Variants in AKAP6 observed in about 807,000 individuals in gnomAD.
AKAP6 encodes the protein A-kinase anchoring protein 6.
AKAP6 carries 58 observed loss-of-function variants against 188.5 expected under a neutral mutation model. The ratio of observed to expected loss-of-function variants is 0.31; its 90% CI spans 0.25 to 0.38. AKAP6 has a LOEUF of 0.38. Among genes scored for constraint, AKAP6 ranks in the 10% least tolerant of loss-of-function variants. AKAP6 has a pLI of 1.00. For missense variants in AKAP6, 2,710 were observed against 2,740.0 expected (o/e 0.99, Z 0.24); for synonymous variants, 989 against 998.6 (o/e 0.99, Z 0.18).
chr14:32,696,140 G>T, intron 9 of AKAP6, 30 bp downstream of exon 9: 1 of 1,574,994 alleles, frequency 6.3e-7, no homozygotes, highest in Non-Finnish European at 8.6e-7. Flanking sequence ...CCTTTACCTT[G>T]CTGTGGAAGA....
chr14:32,827,227 G>A (rs369169441), intron 13 of AKAP6, among the ~76,000 whole-genome samples: 8 of 152,040 alleles, frequency 5.3e-5, no homozygotes, highest in African/African-American at 1.9e-4. Context: ...TGTTGTCATT[G>A]TTCTTACTAC....
chr14:32,801,206 C>G (rs553354166), intron 12 of AKAP6, among the ~76,000 whole-genome samples: 1 of 151,888 alleles, frequency 6.6e-6, no homozygotes, highest in African/African-American at 2.4e-5. Context: ...TGCATTTGTT[C>G]TTTCTTTTTT....
chr14:32,818,426 TCTTTA>T (rs1175258239), intron 12 of AKAP6, among the ~76,000 whole-genome samples: 7 of 152,218 alleles, frequency 4.6e-5, no homozygotes, highest in African/African-American at 1.7e-4. Context: ...TCATCCTCTC[TCTTTA>T]CTTTAAATCA....
At chr14:32,640,106 T>C (rs908559278) in intron 7 of AKAP6, among the ~76,000 whole-genome samples, 2 of 140,460 alleles carry the variant, frequency 1.4e-5, no homozygotes, top group Non-Finnish European at 3.2e-5. Flanking sequence ...AATAATATTC[T>C]TCATTTTTTT....
chr14:32,483,370 T>A (rs1391751568), intron 2 of AKAP6, among the ~76,000 whole-genome samples: 3 of 152,212 alleles, frequency 2.0e-5, no homozygotes, highest in Non-Finnish European at 4.4e-5. Flanking sequence ...GGTTTGCTGT[T>A]TATCTTTTAA....
chr14:32,750,558 C>CA (rs1172151723), intron 11 of AKAP6, among the ~76,000 whole-genome samples: 1,499 of 138,838 alleles, frequency 0.011, 8 homozygotes, highest in Middle Eastern at 0.026. Flanking sequence ...CCCATCTCTA[C>CA]AAAAAAAAAA....
intron 4 of AKAP6, among the ~76,000 whole-genome samples, chr14:32,560,584 A>T (rs1254529201): frequency 6.6e-6 from 1 of 152,248 alleles, no homozygotes; most frequent in Admixed American, 6.5e-5. Flanking sequence ...TTTTCTTCGT[A>T]TGGAAAGGTT....
intron 2 of AKAP6, among the ~76,000 whole-genome samples, chr14:32,483,001 A>G (rs1457257023): frequency 1.5e-3 from 106 of 68,886 alleles, no homozygotes; most frequent in African/African-American, 3.7e-3. Context: ...ATATATATAT[A>G]TATATATATA....
Position 32,355,620 on chromosome 14 carries a change from T to C in AKAP6, c.-35+26212T>C, listed in dbSNP as rs572663212. Among the ~76,000 whole-genome samples, 3 of 152,346 alleles carry C rather than the reference T, an allele frequency of 2.0e-5. No individual in the cohort carries two copies. In the South Asian group the frequency reaches 6.2e-4, roughly 32 times the overall value. ...TATTTGTGCTTTTTTATTAACACAA[T>C]AGACAAGATCTAGTGGTGGGCCTAA... On this transcript the variant is annotated intron_variant, in intron 1 of 13. Transcript: ENST00000280979.
At chr14:32,558,369 A>C (rs9322903) in intron 4 of AKAP6, among the ~76,000 whole-genome samples, 2,734 of 152,358 alleles carry the variant, frequency 0.018, 70 homozygotes, top group African/African-American at 0.059. Context: ...ACATAAGACA[A>C]TATTTGGTAA....
At chr14:32,685,106 A>G (rs115786998) in intron 8 of AKAP6, among the ~76,000 whole-genome samples, 1 of 151,716 alleles carries the variant, frequency 6.6e-6, no homozygotes, top group African/African-American at 2.4e-5. Flanking sequence ...CCTACAAAAA[A>G]TTTTTTAAGT....
intron 4 of AKAP6, among the ~76,000 whole-genome samples, chr14:32,567,696 C>T (rs376105183): frequency 2.0e-5 from 3 of 152,216 alleles, no homozygotes; most frequent in Admixed American, 6.5e-5. Flanking sequence ...GCCACACTCA[C>T]TCTTGTTCCA....
intron 2 of AKAP6, among the ~76,000 whole-genome samples, chr14:32,476,578 A>G (rs867805699): frequency 1.3e-5 from 2 of 152,192 alleles, no homozygotes; most frequent in South Asian, 4.1e-4. Flanking sequence ...ATCTAGTCAT[A>G]TTTGACTTGT....
chr14:32,821,749 T>G lies in AKAP6; in HGVS notation c.3936T>G (p.Thr1312=), dbSNP rs2034526114. The change falls in exon 13 of 14, where the codon ACT becomes ACG. Residue 1312 remains threonine (T), a synonymous_variant. Transcript: ENST00000280979. ...TTCTGAAAAACAATCCAAAGGTCAC[T>G]GGCATGACACAGCCTAATGTTTTAA... ...MPFLKNNPKV[T]GMTQPNVLTK... 1 of 1,613,860 alleles carries G rather than the reference T, an allele frequency of 6.2e-7. No homozygotes were observed. The highest frequency in any genetic ancestry group is 8.5e-7 in the Non-Finnish European group (1 of 1,179,932).
chr14:32,399,855 T>G (rs1238821678), intron 1 of AKAP6, among the ~76,000 whole-genome samples: 1 of 152,210 alleles, frequency 6.6e-6, no homozygotes, highest in Non-Finnish European at 1.5e-5. Context: ...GATAATTCTA[T>G]TATGTGAAGT....
At chr14:32,435,996 A>G (rs1434607710) in intron 2 of AKAP6, among the ~76,000 whole-genome samples, 1 of 152,172 alleles carries the variant, frequency 6.6e-6, no homozygotes, top group South Asian at 2.1e-4. Context: ...TTCCACGTTG[A>G]TCATAAGAAT....
intron 2 of AKAP6, among the ~76,000 whole-genome samples, chr14:32,453,639 C>A (rs2138786935): frequency 8.4e-6 from 1 of 119,612 alleles, no homozygotes; most frequent in South Asian, 2.9e-4. Flanking sequence ...TTCTGTCGCC[C>A]AGGCGGGAGT....
At chr14:32,514,364 T>G (rs1282655575) in intron 2 of AKAP6, among the ~76,000 whole-genome samples, 1 of 152,178 alleles carries the variant, frequency 6.6e-6, no homozygotes, top group Non-Finnish European at 1.5e-5. Context: ...CTGTGGATAT[T>G]TATTTATGTG....
intron 8 of AKAP6, among the ~76,000 whole-genome samples, chr14:32,680,603 A>G (rs1443323432): frequency 6.6e-6 from 1 of 152,156 alleles, no homozygotes; most frequent in African/African-American, 2.4e-5. Flanking sequence ...AATTCGTATC[A>G]TTTTATTTCC....
Sources: allele counts gnomAD v4.1 joint callset (sites outside exome capture counted in the v4.1 genomes callset), GRCh38; gene constraint gnomAD v4.1.1; transcripts MANE v1.5; gene names NCBI Gene and HGNC (gene_info 2026-07-23, HGNC 2026-07-21).